Variants in YTHDF1 observed in about 807,000 individuals in gnomAD.
The protein encoded by YTHDF1 is YTH N6-methyladenosine RNA binding protein F1, also known as YTH domain-containing family protein 1.
Under a neutral mutation model 49.1 loss-of-function variants are expected in YTHDF1, and 16 were observed. The observed-to-expected ratio is 0.33, with a 90% CI of 0.22 to 0.49. YTHDF1 has a LOEUF of 0.49. Ranked by LOEUF, YTHDF1 falls within the 20% of genes least tolerant of loss-of-function variation. The probability of loss-of-function intolerance (pLI) is 0.99; values close to 1 mark genes in which losing one functional copy is unlikely to be tolerated. For synonymous variants in YTHDF1, 313 were observed against 290.1 expected (o/e 1.08, Z -0.80); for missense variants, 621 against 744.3 (o/e 0.83, Z 1.93).
In YTHDF1 at chr20:63,213,988, T is replaced by A. The variant is rs375537455; in HGVS notation, c.53-45A>T. The A allele has an allele frequency of 8.3e-4, 1,297 of 1,553,888 alleles. 30 individuals are homozygous for A. The South Asian group carries it at 0.014, about 17-fold the overall frequency. On this transcript the variant is annotated intron_variant, in intron 2 of 4. Coordinates refer to ENST00000370339, the MANE Select transcript of YTHDF1 (RefSeq NM_017798.4). Reference sequence around the variant, plus strand: ...AATATTACCCTCAAATTTTAAAAGATTACTTTTAAGCTTGGAAGGCAAAGT... The same window carrying A: ...AATATTACCCTCAAATTTTAAAAGAATACTTTTAAGCTTGGAAGGCAAAGT...
rs142709442 is a variant in YTHDF1, at chr20:63,214,634, G to A, written c.53-691C>T. ...CTTGAAGCAGGGAGGGGGCTTCCAGGTCATAGGTAGATAAGAGACAAACGG... is the reference window on the plus strand; with the variant it reads ...CTTGAAGCAGGGAGGGGGCTTCCAGATCATAGGTAGATAAGAGACAAACGG... On this transcript the variant is annotated intron_variant, in intron 2 of 4. Transcript: ENST00000370339. Among the ~76,000 whole-genome samples the A allele has an allele frequency of 9.4e-3, 1,428 of 152,228 alleles. 24 individuals are homozygous for A. The highest frequency in any genetic ancestry group is 0.014 in the Admixed American group (209 of 15,294).
rs773849940 is a variant in YTHDF1 at position 63,203,264 on chromosome 20, T to C, written c.676A>G (p.Met226Val). ...LSGNGGTNVN[M>V]PVSKPTSWAA... is the part of the protein sequence containing the mutation. ...CACGAGGTCGGCTTTGAAACTGGCATGTTCACATTTGTCCCACCGTTGCCA... is the reference window on the plus strand; with the variant it reads ...CACGAGGTCGGCTTTGAAACTGGCACGTTCACATTTGTCCCACCGTTGCCA... Residue 226 changes from methionine (M) to valine (V), a missense_variant, in exon 4 of 5, where the codon ATG (methionine) becomes GTG (valine). By Grantham distance (21) the Met-to-Val change is conservative. Around this residue, in one of 2 missense-constraint regions of YTHDF1, gnomAD observed 470 missense variants for 495.8 expected, o/e 0.95. Transcript: ENST00000370339. The surrounding 1 kb of genome is among the most constrained non-coding windows in gnomAD (Gnocchi z 4.4). The C allele has an allele frequency of 4.3e-6, 7 of 1,613,830 alleles. No homozygotes were observed. Among genetic ancestry groups the C allele is most frequent in the Admixed American group, 1.7e-5 (1 of 60,014 alleles).
intron 3 of YTHDF1, among the ~76,000 whole-genome samples, chr20:63,205,253 G>A (rs192642503): frequency 6.6e-6 from 1 of 152,302 alleles, no homozygotes; most frequent in East Asian, 1.9e-4. Flanking sequence ...TGGGAAAGTA[G>A]CTGAGGCAAT....
chr20:63,214,036 T>C (rs2066589169), intron 2 of YTHDF1, 93 bp from the exon 3 acceptor site: 2 of 1,475,086 alleles, frequency 1.4e-6, no homozygotes, highest in Admixed American at 2.8e-5. Context: ...TTTCCATCTA[T>C]TTCTAGCAGA....
chr20:63,208,709 G>A (rs1007941215), intron 3 of YTHDF1, among the ~76,000 whole-genome samples: 1 of 152,218 alleles, frequency 6.6e-6, no homozygotes, highest in African/African-American at 2.4e-5. Flanking sequence ...TTTTAAGGAA[G>A]CCCATATTTT....
chr20:63,211,740 G>C (rs1327181156), intron 3 of YTHDF1, among the ~76,000 whole-genome samples: 2 of 152,054 alleles, frequency 1.3e-5, no homozygotes, highest in African/African-American at 4.8e-5. Context: ...GATCACTTGA[G>C]CCCAGAAGTT....
At chr20:63,212,773 A>C (rs916306283) in intron 3 of YTHDF1, among the ~76,000 whole-genome samples, 1 of 152,202 alleles carries the variant, frequency 6.6e-6, no homozygotes, top group Non-Finnish European at 1.5e-5. Flanking sequence ...ACATCCACCA[A>C]GACAGTTTTG....
Position 63,197,803 on chromosome 20 carries a change from C to T in YTHDF1, c.1654-1069G>A, listed in dbSNP as rs182182119. On this transcript the variant is annotated intron_variant, in intron 4 of 4. Transcript: ENST00000370339. ...CATCCACCCTCATCTGGCCATCTAT[C>T]AAGATGCAAACTAATAAAGAAAACC... Among the ~76,000 whole-genome samples, 8 of 152,252 alleles carry T rather than the reference C, an allele frequency of 5.3e-5. No individual in the cohort carries two copies. The East Asian group carries it at 1.5e-3, about 29-fold the overall frequency.
chr20:63,199,824 C>T (rs1400187129), intron 4 of YTHDF1, among the ~76,000 whole-genome samples: 1 of 138,008 alleles, frequency 7.2e-6, no homozygotes, highest in Non-Finnish European at 1.6e-5. Context: ...TTTGTGAAGC[C>T]AAGGTGGGAA....
At chr20:63,215,037 G>T (rs1242427830) in intron 2 of YTHDF1, among the ~76,000 whole-genome samples, 3 of 152,162 alleles carry the variant, frequency 2.0e-5, no homozygotes, top group Non-Finnish European at 4.4e-5. Flanking sequence ...ACCGTATTTG[G>T]TTACACCTGA....
intron 4 of YTHDF1, among the ~76,000 whole-genome samples, chr20:63,197,705 G>A (rs1337677061): frequency 6.6e-6 from 1 of 152,082 alleles, no homozygotes; most frequent in African/African-American, 2.4e-5. Context: ...TATCTGCCCT[G>A]CACTCCAGCC....
intron 3 of YTHDF1, among the ~76,000 whole-genome samples, chr20:63,209,144 G>A (rs905518137): frequency 2.6e-5 from 4 of 152,232 alleles, no homozygotes; most frequent in African/African-American, 7.2e-5. Flanking sequence ...GAGCACTTAC[G>A]GTGAATGGAG....
chr20:63,212,879 AG>A (rs1370134142), intron 3 of YTHDF1, among the ~76,000 whole-genome samples: 1 of 152,220 alleles, frequency 6.6e-6, no homozygotes, highest in African/African-American at 2.4e-5. Flanking sequence ...TGCACAGGAC[AG>A]CCCCCAAAAC....
At chr20:63,198,630 T>C (rs1382025313) in intron 4 of YTHDF1, among the ~76,000 whole-genome samples, 4 of 132,464 alleles carry the variant, frequency 3.0e-5, no homozygotes, top group African/African-American at 9.2e-5. Flanking sequence ...CTCATAAAAT[T>C]TCTCAAAAAA....
chr20:63,212,339 G>A (rs949799933), intron 3 of YTHDF1, among the ~76,000 whole-genome samples: 1 of 152,206 alleles, frequency 6.6e-6, no homozygotes, highest in South Asian at 2.1e-4. Flanking sequence ...GGAGGGGGAT[G>A]AAGGAACATT....
At chr20:63,199,778 G>A (rs568179119) in intron 4 of YTHDF1, among the ~76,000 whole-genome samples, 1 of 152,278 alleles carries the variant, frequency 6.6e-6, no homozygotes, top group African/African-American at 2.4e-5. Flanking sequence ...GATATTTGAC[G>A]CCGGGCACAG....
At chr20:63,211,732 T>C (rs576842821) in intron 3 of YTHDF1, among the ~76,000 whole-genome samples, 10 of 152,184 alleles carry the variant, frequency 6.6e-5, no homozygotes, top group East Asian at 1.9e-4. Flanking sequence ...AGCAGGAAGA[T>C]CACTTGAGCC....
chr20:63,203,270 C>T lies in YTHDF1; in HGVS notation c.670G>A (p.Val224Met), dbSNP rs372065079. Residue 224 changes from valine (V) to methionine (M), a missense_variant, in exon 4 of 5, where the codon GTG becomes ATG. Physicochemically the swap from Val to Met is conservative, Grantham distance 21 (BLOSUM62 1). Around this residue, in one of 2 missense-constraint regions of YTHDF1, gnomAD observed 470 missense variants for 495.8 expected, o/e 0.95. Coordinates refer to ENST00000370339, the MANE Select transcript of YTHDF1 (RefSeq NM_017798.4). The surrounding 1 kb of genome is among the most constrained non-coding windows in gnomAD (Gnocchi z 4.4). ...GTCGGCTTTGAAACTGGCATGTTCA[C>T]ATTTGTCCCACCGTTGCCAGAAAGG... is the stretch of plus-strand genomic sequence containing the variant. ...GVLSGNGGTNVNMPVSKPTSW... is the reference protein window; with the variant it reads ...GVLSGNGGTNMNMPVSKPTSW... The T allele has an allele frequency of 5.0e-6, 8 of 1,613,796 alleles. No individual in the cohort carries two copies. The highest frequency in any genetic ancestry group is 1.3e-5 in the African/African-American group (1 of 74,942).
intron 4 of YTHDF1, among the ~76,000 whole-genome samples, chr20:63,201,204 G>C (rs914774957): frequency 3.3e-5 from 5 of 152,134 alleles, no homozygotes; most frequent in Admixed American, 3.3e-4. Context: ...CATAATGTAA[G>C]ACTGCAGACA....
Sources: gnomAD v4.1 joint callset for allele counts (sites outside exome capture counted in the v4.1 genomes callset) on GRCh38, gnomAD v4.1.1 for gene constraint, gnomAD v4.1.1 regional missense constraint, Gnocchi (gnomAD v3.1) non-coding constraint, MANE v1.5 for transcripts, NCBI Gene and HGNC (gene_info 2026-07-23, HGNC 2026-07-21) for gene names.